The following SOX5 variants were observed in gnomAD, a reference collection of about 807,000 sequenced individuals.
The protein encoded by SOX5 is SRY-box transcription factor 5.
A neutral mutation model predicts 92.0 loss-of-function variants in SOX5; 9 were observed. The observed-to-expected ratio is 0.10, with a 90% CI of 0.06 to 0.17. The LOEUF is 0.17. Among genes scored for constraint, SOX5 ranks in the 10% least tolerant of loss-of-function variants. SOX5 has a pLI of 1.00. For missense variants in SOX5, 642 were observed against 944.5 expected (o/e 0.68, Z 4.20); for synonymous variants, 344 against 336.3 (o/e 1.02, Z -0.25).
At chr12:23,823,341 C>T (rs1003741873) in intron 3 of SOX5, among the ~76,000 whole-genome samples, 1 of 152,148 alleles carries the variant, frequency 6.6e-6, no homozygotes, top group African/African-American at 2.4e-5. Flanking sequence ...ATTTGCTTGT[C>T]TGTAAAGGAT....
intron 4 of SOX5, among the ~76,000 whole-genome samples, chr12:24,203,788 C>A (rs369459847): frequency 6.6e-6 from 1 of 152,100 alleles, no homozygotes; most frequent in African/African-American, 2.4e-5. Context: ...AGAGTATAAA[C>A]GCCAATTACT....
chr12:23,555,911 A>G (rs4424756), intron 11 of SOX5, among the ~76,000 whole-genome samples: 10,952 of 152,290 alleles, frequency 0.072, 559 homozygotes, highest in South Asian at 0.11. Context: ...AAAAGGCTAT[A>G]GACAGCCTAT....
intron 1 of SOX5, among the ~76,000 whole-genome samples, chr12:24,404,096 A>G (rs1453439900): frequency 6.6e-6 from 1 of 152,206 alleles, no homozygotes; most frequent in Admixed American, 6.5e-5. Flanking sequence ...GAAGCTGAAC[A>G]TATTTTATCC....
Position 24,393,559 on chromosome 12 carries a change from T to C in SOX5, c.-250-24920A>G, listed in dbSNP as rs1255524966. 2.6e-5 allele frequency among the ~76,000 whole-genome samples: 4 copies of C among 152,224 alleles called. No individual in the cohort carries two copies. The highest frequency in any genetic ancestry group is 9.6e-5 in the African/African-American group (4 of 41,462). On this transcript the variant is annotated intron_variant, in intron 1 of 4. Coordinates refer to the SOX5 transcript ENST00000446891. This position sits in a 1 kb window ranked among gnomAD's most constrained non-coding sequence, Gnocchi z 5.0. ...ATTGATTCTTGCATTAGAAATTTAC[T>C]GTGAAAAACTTACAATAAAAACATT...
chr12:23,769,872 C>CA (rs1401059888), intron 3 of SOX5, among the ~76,000 whole-genome samples: 1 of 152,094 alleles, frequency 6.6e-6, no homozygotes, highest in Admixed American at 6.5e-5. Context: ...AGCCTAAATA[C>CA]ATTAAGCTTG....
At chr12:24,304,982 C>T (rs894788084) in intron 2 of SOX5, among the ~76,000 whole-genome samples, 1 of 152,100 alleles carries the variant, frequency 6.6e-6, no homozygotes, top group Non-Finnish European at 1.5e-5. Flanking sequence ...CTAGGGGCAC[C>T]CTCCCCCTCA....
intron 8 of SOX5, among the ~76,000 whole-genome samples, chr12:23,627,594 T>C (rs1034541575): frequency 1.3e-5 from 2 of 152,128 alleles, no homozygotes; most frequent in Admixed American, 6.5e-5. Flanking sequence ...GTGTGTGCCA[T>C]GTCATTTAAT....
At chr12:24,171,874 G>A (rs1019648491) in intron 4 of SOX5, among the ~76,000 whole-genome samples, 1 of 152,032 alleles carries the variant, frequency 6.6e-6, no homozygotes, top group African/African-American at 2.4e-5. Flanking sequence ...GACGCACTCT[G>A]ATTGAGGGGG....
chr12:23,963,980 C>G (rs895981331), intron 4 of SOX5, among the ~76,000 whole-genome samples: 1 of 151,478 alleles, frequency 6.6e-6, no homozygotes, highest in Non-Finnish European at 1.5e-5. Context: ...CAAACTAAAC[C>G]AACCAACCAA....
chr12:24,423,612 C>G (rs189823156), intron 1 of SOX5, among the ~76,000 whole-genome samples: 16 of 152,298 alleles, frequency 1.1e-4, no homozygotes, highest in African/African-American at 3.6e-4. Context: ...GTCTTTTACC[C>G]AAAGCCTCAG....
intron 1 of SOX5, among the ~76,000 whole-genome samples, chr12:24,408,232 A>C (rs1340999233): frequency 6.6e-6 from 1 of 152,234 alleles, no homozygotes; most frequent in Non-Finnish European, 1.5e-5. Context: ...AGACGCTTTC[A>C]GATTTTAATC....
chr12:24,550,079 T>A (rs1447747275), intron 1 of SOX5, among the ~76,000 whole-genome samples: 1 of 152,234 alleles, frequency 6.6e-6, no homozygotes, highest in Non-Finnish European at 1.5e-5. Flanking sequence ...AGCTATGCCG[T>A]TTGCTAGCTA....
intron 1 of SOX5, among the ~76,000 whole-genome samples, chr12:24,454,249 T>C (rs1201877180): frequency 2.6e-5 from 4 of 152,210 alleles, no homozygotes; most frequent in African/African-American, 9.6e-5. Flanking sequence ...TGAGTTTCTA[T>C]TAAGGTCTGA....
intron 3 of SOX5, among the ~76,000 whole-genome samples, chr12:24,248,541 C>T (rs933865381): frequency 2.6e-5 from 4 of 152,140 alleles, no homozygotes; most frequent in Non-Finnish European, 4.4e-5. Flanking sequence ...AGTGCTACCA[C>T]GCTCGGCTAA....
chr12:23,645,973 G>A (rs1040997776), intron 7 of SOX5, among the ~76,000 whole-genome samples: 6 of 152,068 alleles, frequency 3.9e-5, no homozygotes, highest in Non-Finnish European at 5.9e-5. Context: ...AGTCTATTAA[G>A]TGTGCAATAG....
intron 4 of SOX5, among the ~76,000 whole-genome samples, chr12:23,976,406 C>CAAAAAAAAAAAAAAAAAA (rs869250917): frequency 1.3e-4 from 5 of 37,870 alleles, no homozygotes; most frequent in African/African-American, 2.6e-4. Flanking sequence ...AACAAAAAAA[C>CAAAAAAAAAAAAAAAAAA]AAAAAAAAAA....
intron 3 of SOX5, among the ~76,000 whole-genome samples, chr12:23,789,220 CCTTT>C (rs1338564422): frequency 2.8e-4 from 36 of 126,576 alleles, no homozygotes; most frequent in Non-Finnish European, 1.6e-5. Flanking sequence ...TAATTCTGAT[CCTTT>C]CTTTGAAATA....
At chr12:24,085,504 G>A (rs1245574020) in intron 4 of SOX5, among the ~76,000 whole-genome samples, 2 of 151,986 alleles carry the variant, frequency 1.3e-5, no homozygotes, top group Admixed American at 1.3e-4. Flanking sequence ...ATTATTGGAA[G>A]TATCATTATG....
At chr12:23,797,448 G>C (rs2095584680) in intron 3 of SOX5, among the ~76,000 whole-genome samples, 1 of 151,800 alleles carries the variant, frequency 6.6e-6, no homozygotes, top group Non-Finnish European at 1.5e-5. Flanking sequence ...TTGAGTTTTT[G>C]GCTATAAATA....
Sources: allele counts gnomAD v4.1 joint callset (sites outside exome capture counted in the v4.1 genomes callset), GRCh38; gene constraint gnomAD v4.1.1; non-coding constraint Gnocchi (gnomAD v3.1); transcripts MANE v1.5; gene names NCBI Gene and HGNC (gene_info 2026-07-23, HGNC 2026-07-21).